RBM46: variants seen among roughly 807,000 people sequenced by gnomAD.
RBM46 encodes RNA binding motif protein 46.
A neutral mutation model predicts 43.3 loss-of-function variants in RBM46; 12 were observed. The ratio of observed to expected loss-of-function variants is 0.28; its 90% CI spans 0.18 to 0.45. RBM46 has a LOEUF of 0.45. RBM46 is among the 20% of genes least tolerant of loss of function. RBM46 has a pLI of 1.00. For missense variants in RBM46, 412 were observed against 639.1 expected, an observed-to-expected ratio of 0.64 and a Z score of 3.83; for synonymous variants, 205 against 207.6, an observed-to-expected ratio of 0.99 and a Z score of 0.11.
chr4:154,794,056 G>A lies in RBM46; in HGVS notation c.-11-2686G>A, dbSNP rs1242028948. 2.0e-5 allele frequency among the ~76,000 whole-genome samples: 3 copies of A among 152,168 alleles called. No homozygotes were observed. In the South Asian group the frequency reaches 6.2e-4, roughly 32 times the overall value. ...CACTTGCCTGTTTATCTCACAGTATGTCAGAAAATTCTGTTGGATGTACTT... is the reference window on the plus strand; with the variant it reads ...CACTTGCCTGTTTATCTCACAGTATATCAGAAAATTCTGTTGGATGTACTT... On this transcript the variant is annotated intron_variant, in intron 1 of 4. Coordinates refer to ENST00000281722, the MANE Select transcript of RBM46 (RefSeq NM_144979.5).
At chr4:154,786,578 T>C (rs1733779282) in intron 1 of RBM46, among the ~76,000 whole-genome samples, 1 of 152,096 alleles carries the variant, frequency 6.6e-6, no homozygotes, top group South Asian at 2.1e-4. Context: ...GTCTACTTTC[T>C]CTTTCTGCTG....
At chr4:154,797,698 C>G (rs1734421738) in intron 2 of RBM46, 113 bp from the exon 3 acceptor site, 1 of 630,002 alleles carries the variant, frequency 1.6e-6, no homozygotes, top group Non-Finnish European at 2.6e-6. Context: ...TCACCAATAC[C>G]TAGAATTGTG....
chr4:154,799,712 C>A, intron 4 of RBM46, 148 bp downstream of exon 4: 3 of 483,682 alleles, frequency 6.2e-6, no homozygotes, highest in African/African-American at 2.1e-5. Context: ...TGATAACTTT[C>A]TTGAAACTTG....
intron 1 of RBM46, among the ~76,000 whole-genome samples, chr4:154,785,281 C>G (rs1733705551): frequency 6.6e-6 from 1 of 151,472 alleles, no homozygotes. Flanking sequence ...TTGTAAGAAC[C>G]TAAATAATCT....
Position 154,796,726 on chromosome 4 carries a change from T to G in RBM46, c.-11-16T>G, listed in dbSNP as rs1054310960. On this transcript the variant is annotated splice_polypyrimidine_tract_variant and intron_variant, in intron 1 of 4. Coordinates refer to ENST00000281722, the MANE Select transcript of RBM46 (RefSeq NM_144979.5). ...TCTGTTGTAAACTTAACCAGTGTTA[T>G]TAAACTTTATTTTAGGAACTGCAAC... 2 of 1,559,304 alleles carry G rather than the reference T, an allele frequency of 1.3e-6. No individual in the cohort carries two copies. The highest frequency in any genetic ancestry group is 8.7e-7 in the Non-Finnish European group (1 of 1,144,648).
chr4:154,790,162 C>T (rs1360289372), intron 1 of RBM46: 1 of 152,118 alleles, frequency 6.6e-6, no homozygotes, highest in Non-Finnish European at 1.5e-5. Flanking sequence ...TTTTGTGTCT[C>T]TATCTCCTTC....
intron 4 of RBM46, among the ~76,000 whole-genome samples, chr4:154,814,311 A>G (rs1334833634): frequency 6.6e-6 from 1 of 152,036 alleles, no homozygotes; most frequent in East Asian, 1.9e-4. Flanking sequence ...TGCCTACTAA[A>G]TAATCACTTT....
chr4:154,804,742 C>T (rs753249731), intron 4 of RBM46, among the ~76,000 whole-genome samples: 1 of 150,732 alleles, frequency 6.6e-6, no homozygotes, highest in Non-Finnish European at 1.5e-5. Flanking sequence ...AAGAACCTGT[C>T]ACTAACATGT....
chr4:154,810,841 T>C (rs894533425), intron 4 of RBM46, among the ~76,000 whole-genome samples: 4 of 152,230 alleles, frequency 2.6e-5, no homozygotes, highest in African/African-American at 9.6e-5. Flanking sequence ...ATTTACTTTT[T>C]GCAAACTGAT....
chr4:154,826,842 G>A (rs1388334078), intron 4 of RBM46: 40 of 1,506,540 alleles, frequency 2.7e-5, no homozygotes, highest in Non-Finnish European at 3.5e-5. Context: ...TAAGTCCCAT[G>A]ACAACATTAA....
intron 4 of RBM46, among the ~76,000 whole-genome samples, chr4:154,812,944 G>T (rs1351599426): frequency 6.6e-6 from 1 of 152,004 alleles, no homozygotes; most frequent in Non-Finnish European, 1.5e-5. Flanking sequence ...TTTTCTTTAT[G>T]ATATTACTCA....
intron 4 of RBM46, among the ~76,000 whole-genome samples, chr4:154,806,183 G>T (rs939305755): frequency 1.3e-5 from 2 of 151,422 alleles, no homozygotes; most frequent in African/African-American, 4.8e-5. Flanking sequence ...TGAACATTTA[G>T]CATTACTTAT....
At chr4:154,796,617 A>T in intron 1 of RBM46, 125 bp from the exon 2 acceptor site, 1 of 630,550 alleles carries the variant, frequency 1.6e-6, no homozygotes, top group Non-Finnish European at 2.7e-6. Flanking sequence ...ACCTCAGAGG[A>T]CAGTGAAGGC....
intron 4 of RBM46, among the ~76,000 whole-genome samples, chr4:154,817,578 C>A (rs1048911295): frequency 6.6e-6 from 1 of 151,858 alleles, no homozygotes; most frequent in African/African-American, 2.4e-5. Context: ...GTGATGTGCC[C>A]GCCTTGGCCT....
chr4:154,795,601 T>G (rs970399686), intron 1 of RBM46, among the ~76,000 whole-genome samples: 1 of 152,058 alleles, frequency 6.6e-6, no homozygotes, highest in Non-Finnish European at 1.5e-5. Context: ...CCAGGTACCT[T>G]TGAAGCTTTT....
At chr4:154,790,871 G>T (rs538901000) in intron 1 of RBM46, among the ~76,000 whole-genome samples, 8 of 152,290 alleles carry the variant, frequency 5.3e-5, no homozygotes, top group African/African-American at 1.4e-4. Context: ...AGATTAAGTT[G>T]ATTCTAAATT....
At position 154,799,125 on chromosome 4, in the gene RBM46, T is replaced by C; in HGVS notation, c.963T>C (p.Gly321=). The change falls in exon 4 of 5, where the codon GGT becomes GGC. Residue 321 remains glycine, a synonymous_variant. Transcript: ENST00000281722. The part of the protein sequence containing the change: ...KENTWRQHLN[G]QISPNSENLI... The stretch of plus-strand genomic sequence containing the variant: ...ACACTTGGAGACAGCATCTTAATGG[T>C]CAGATTAGTCCAAATTCTGAAAATC... 6.2e-7 allele frequency: 1 copy of C among 1,613,966 alleles called. No individual in the cohort carries two copies. Among genetic ancestry groups the C allele is most frequent in the South Asian group, 1.1e-5 (1 of 91,052 alleles).
chr4:154,796,019 T>G (rs972542140), intron 1 of RBM46, among the ~76,000 whole-genome samples: 2 of 151,860 alleles, frequency 1.3e-5, no homozygotes, highest in Admixed American at 6.6e-5. Flanking sequence ...AAAACAAAAA[T>G]TAGCCAGGCA....
intron 4 of RBM46, among the ~76,000 whole-genome samples, chr4:154,802,568 G>A (rs1443171386): frequency 1.3e-5 from 2 of 152,220 alleles, no homozygotes; most frequent in Non-Finnish European, 2.9e-5. Context: ...ATTGGTGGTA[G>A]TGGTGTGTTC....
Sources: allele counts gnomAD v4.1 joint callset (sites outside exome capture counted in the v4.1 genomes callset), GRCh38; gene constraint gnomAD v4.1.1; transcripts MANE v1.5; gene names NCBI Gene and HGNC (gene_info 2026-07-23, HGNC 2026-07-21).